Variants in SAMD4A observed in about 807,000 individuals in gnomAD.
SAMD4A encodes protein Smaug homolog 1.
SAMD4A carries 33 observed loss-of-function variants against 81.3 expected under a neutral mutation model. That is an observed-to-expected ratio of 0.41 (90% CI 0.31 to 0.54). The LOEUF is 0.54. SAMD4A is among the 20% of genes least tolerant of loss of function. SAMD4A has a pLI of 0.37. For synonymous variants in SAMD4A, 389 were observed against 382.1 expected (o/e 1.02, Z -0.21); for missense variants, 854 against 951.1 (o/e 0.90, Z 1.34).
At chr14:54,649,143 C>T (rs2035349790) in intron 2 of SAMD4A, among the ~76,000 whole-genome samples, 1 of 152,182 alleles carries the variant, frequency 6.6e-6, no homozygotes, top group East Asian at 1.9e-4. Flanking sequence ...TGGACATAAG[C>T]TAGACATGCC....
At position 54,739,055 on chromosome 14, in the gene SAMD4A, C is replaced by CTTTTTTTTTTTT. The variant is rs3051648; in HGVS notation, c.979+1776_979+1787dup. 8.8e-3 allele frequency among the ~76,000 whole-genome samples: 857 copies of CTTTTTTTTTTTT among 97,234 alleles called. 27 individuals carry two copies. The highest frequency in any genetic ancestry group is 0.017 in the East Asian group (56 of 3,302). 63.8% of individuals were successfully genotyped at this position (97,234 alleles called of 152,430 possible). On this transcript the variant is annotated intron_variant, in intron 4 of 12. Coordinates refer to ENST00000554335, the MANE Select transcript of SAMD4A (RefSeq NM_015589.6). ...TACTTTGTTTTCTTTCTTTCCTTTT[C>CTTTTTTTTTTTT]TTTTTTTTTTTTTTTTTTTGAGGCC...
intron 2 of SAMD4A, among the ~76,000 whole-genome samples, chr14:54,645,001 C>T (rs915401094): frequency 2.0e-5 from 3 of 152,036 alleles, no homozygotes; most frequent in Admixed American, 6.6e-5. Context: ...TCTGAAATGG[C>T]GACCTGAAGT....
chr14:54,613,407 G>A (rs576877183), intron 2 of SAMD4A, among the ~76,000 whole-genome samples: 16 of 152,250 alleles, frequency 1.1e-4, no homozygotes, highest in Admixed American at 8.5e-4. Flanking sequence ...GATATGCCAG[G>A]CTGGTTTAAA....
At position 54,760,490 on chromosome 14, in the gene SAMD4A, GA is replaced by G; in HGVS notation, c.1509del (p.Val504CysfsTer15). 2 of 1,396,732 alleles carry G rather than the reference GA, an allele frequency of 1.4e-6. No individual in the cohort carries two copies. The highest frequency in any genetic ancestry group is 9.2e-7 in the Non-Finnish European group (1 of 1,083,790). 86.5% of individuals were successfully genotyped at this position (1,396,732 alleles called of 1,614,324 possible). ...CCGGGCAGTTCACACGCGTCATGGG[GA>G]AAGGTAGAGCCTCATTCGCCCATTT... is the stretch of plus-strand genomic sequence containing the variant. ...LPGQFTRVMG[K>X]VCTQLLVSRP... is the part of the protein sequence containing the mutation. On this transcript the variant is annotated frameshift_variant, in exon 7 of 13. Coordinates refer to ENST00000554335, the MANE Select transcript of SAMD4A (RefSeq NM_015589.6). LOFTEE classifies it high-confidence loss of function.
chr14:54,702,793 T>G (rs2036753835), intron 3 of SAMD4A: 1 of 587,500 alleles, frequency 1.7e-6, no homozygotes, highest in Admixed American at 3.0e-5. Flanking sequence ...AAGTGACTGA[T>G]GGTCCAAATT....
intron 2 of SAMD4A, among the ~76,000 whole-genome samples, chr14:54,690,457 T>C (rs995620098): frequency 6.6e-6 from 1 of 152,110 alleles, no homozygotes; most frequent in Non-Finnish European, 1.5e-5. Context: ...AATAATGTGT[T>C]GAGTCCTGGC....
chr14:54,689,756 T>G (rs1158715532), intron 2 of SAMD4A: 2 of 152,222 alleles, frequency 1.3e-5, no homozygotes, highest in Non-Finnish European at 2.9e-5. Flanking sequence ...GTGACTTGAC[T>G]ACCCTACCTG....
chr14:54,606,219 A>ATGTGTGTG (rs1566543939), intron 2 of SAMD4A, among the ~76,000 whole-genome samples: 2 of 77,608 alleles, frequency 2.6e-5, no homozygotes, highest in African/African-American at 4.6e-5. Context: ...GTGTGCGTGC[A>ATGTGTGTG]CGTGCACGTG....
chr14:54,751,802 G>A (rs1056006079), intron 6 of SAMD4A, among the ~76,000 whole-genome samples: 10 of 152,196 alleles, frequency 6.6e-5, no homozygotes, highest in African/African-American at 2.4e-4. Context: ...GCTGTCAAAT[G>A]CACCCTTTTT....
At chr14:54,752,948 A>G (rs1594897434) in intron 6 of SAMD4A, among the ~76,000 whole-genome samples, 1 of 152,350 alleles carries the variant, frequency 6.6e-6, no homozygotes, top group East Asian at 1.9e-4. Context: ...CTCTCCACCC[A>G]AACATCTCAG....
chr14:54,766,782 A>G (rs1002066654), intron 8 of SAMD4A, among the ~76,000 whole-genome samples: 4 of 152,180 alleles, frequency 2.6e-5, no homozygotes, highest in African/African-American at 9.7e-5. Context: ...GCCTCAAGAC[A>G]GCTGAGCCCA....
intron 2 of SAMD4A, among the ~76,000 whole-genome samples, chr14:54,669,938 C>A (rs975867861): frequency 6.6e-6 from 1 of 152,082 alleles, no homozygotes; most frequent in African/African-American, 2.4e-5. Context: ...CCCTTCTGCC[C>A]CCCCAGCCCC....
chr14:54,667,217 C>T (rs925596175), intron 2 of SAMD4A, among the ~76,000 whole-genome samples: 48 of 152,150 alleles, frequency 3.2e-4, no homozygotes, highest in African/African-American at 1.1e-3. Context: ...AACAGGTTTT[C>T]AAGTGCAAGA....
At chr14:54,662,404 T>G (rs1334188735) in intron 2 of SAMD4A, among the ~76,000 whole-genome samples, 1 of 151,904 alleles carries the variant, frequency 6.6e-6, no homozygotes, top group Non-Finnish European at 1.5e-5. Flanking sequence ...ACTTATTTTT[T>G]TTTTTTTTCA....
intron 3 of SAMD4A, among the ~76,000 whole-genome samples, chr14:54,732,380 G>A (rs951389537): frequency 2.0e-5 from 3 of 151,912 alleles, no homozygotes; most frequent in Non-Finnish European, 4.4e-5. Context: ...GGGATTTTGG[G>A]GTCTTTCTAC....
chr14:54,739,653 G>A (rs2037796967), intron 4 of SAMD4A, among the ~76,000 whole-genome samples: 2 of 152,252 alleles, frequency 1.3e-5, no homozygotes, highest in East Asian at 1.9e-4. Flanking sequence ...CTAGCATTCC[G>A]AAGTGTCACG....
chr14:54,715,025 C>T (rs963232194), intron 3 of SAMD4A, among the ~76,000 whole-genome samples: 1 of 151,710 alleles, frequency 6.6e-6, no homozygotes, highest in Non-Finnish European at 1.5e-5. Flanking sequence ...TCTTTGGGAT[C>T]CATTATGAAT....
Position 54,790,674 on chromosome 14 carries a change from G to T in SAMD4A, c.*1730G>T, listed in dbSNP as rs952671206. On this transcript the variant is annotated 3_prime_UTR_variant, in exon 13 of 13. Transcript: ENST00000554335. ...ACATGGATGAGTCGGGTGCCTGGTT[G>T]TGTGTGTGTGTGTGTGTGTGTGTGT... 1 of 127,560 alleles carries T rather than the reference G, an allele frequency of 7.8e-6. No individual in the cohort carries two copies. Among genetic ancestry groups the T allele is most frequent in the Non-Finnish European group, 1.6e-5 (1 of 60,754 alleles). 7.9% of individuals were successfully genotyped at this position (127,560 alleles called of 1,614,324 possible).
intron 2 of SAMD4A, among the ~76,000 whole-genome samples, chr14:54,606,150 A>G (rs574666505): frequency 6.6e-6 from 1 of 151,786 alleles, no homozygotes; most frequent in East Asian, 1.9e-4. Flanking sequence ...GTTACAAGGA[A>G]AAGAGCTCAT....
Sources: allele counts gnomAD v4.1 joint callset (sites outside exome capture counted in the v4.1 genomes callset), GRCh38; gene constraint gnomAD v4.1.1; transcripts MANE v1.5; gene names NCBI Gene and HGNC (gene_info 2026-07-23, HGNC 2026-07-21).